PPM1H: variants seen among roughly 807,000 people sequenced by gnomAD.
PPM1H encodes the protein protein phosphatase 1H.
In PPM1H, 27 loss-of-function variants were observed where a neutral mutation model predicts 54.9. The observed-to-expected ratio is 0.49, with a 90% CI of 0.36 to 0.68. The LOEUF (loss-of-function observed/expected upper bound fraction) is 0.68, where lower values mean the gene tolerates loss of function less well. Ranked by LOEUF, PPM1H falls within the 30% of genes least tolerant of loss-of-function variation. The pLI, the probability that PPM1H is intolerant of heterozygous loss-of-function variation, is 0.00. For missense variants in PPM1H, 596 were observed against 667.8 expected (o/e 0.89, Z 1.19); for synonymous variants, 305 against 270.8 (o/e 1.13, Z -1.24).
intron 1 of PPM1H, among the ~76,000 whole-genome samples, chr12:62,835,909 T>C (rs1333207733): frequency 2.6e-5 from 4 of 152,238 alleles, no homozygotes; most frequent in Non-Finnish European, 4.4e-5. Context: ...GTTAACTATA[T>C]GTGAACAAAA....
chr12:62,858,445 C>CT (rs1394777289), intron 1 of PPM1H, among the ~76,000 whole-genome samples: 1 of 132,430 alleles, frequency 7.6e-6, no homozygotes, highest in African/African-American at 3.1e-5. Context: ...AGAGGAAATG[C>CT]TTTTTTTGTT....
Position 62,717,668 on chromosome 12 carries a change from C to CA in PPM1H, c.1073+2502dup, listed in dbSNP as rs561571069. Among the ~76,000 whole-genome samples the CA allele has an allele frequency of 4.4e-4, 67 of 151,394 alleles. No homozygotes were observed. The East Asian group carries it at 0.011, about 26-fold the overall frequency. On this transcript the variant is annotated intron_variant, in intron 6 of 9. Transcript: ENST00000228705. ...ATGTACAAGCCACTAAAAACAAAAA[C>CA]AAAAAACAAAAACAAACAAAACACA...
chr12:62,705,034 A>G (rs756171779), intron 6 of PPM1H, among the ~76,000 whole-genome samples: 1 of 152,212 alleles, frequency 6.6e-6, no homozygotes, highest in Non-Finnish European at 1.5e-5. Context: ...TTGCTGGTCA[A>G]TGTTCTTTGG....
At chr12:62,760,394 T>G (rs1466054883) in intron 4 of PPM1H, among the ~76,000 whole-genome samples, 2 of 152,066 alleles carry the variant, frequency 1.3e-5, no homozygotes, top group Non-Finnish European at 2.9e-5. Flanking sequence ...CCATCTGACC[T>G]CTCACCTCCT....
intron 6 of PPM1H, among the ~76,000 whole-genome samples, chr12:62,704,421 G>A (rs1180833069): frequency 6.6e-6 from 1 of 152,160 alleles, no homozygotes; most frequent in Non-Finnish European, 1.5e-5. Context: ...GAATTTATGT[G>A]TTGGAAGATA....
intron 8 of PPM1H, among the ~76,000 whole-genome samples, chr12:62,680,977 G>T (rs2076016317): frequency 6.6e-6 from 1 of 152,094 alleles, no homozygotes; most frequent in Admixed American, 6.5e-5. Flanking sequence ...CTGTCTTCCA[G>T]CAGGTAAATA....
At chr12:62,728,958 T>C (rs1208374910) in intron 5 of PPM1H, among the ~76,000 whole-genome samples, 1 of 152,188 alleles carries the variant, frequency 6.6e-6, no homozygotes, top group African/African-American at 2.4e-5. Context: ...TTTTTTCCTG[T>C]TGCTTTGTGG....
chr12:62,819,476 T>C (rs1304756727), intron 2 of PPM1H, among the ~76,000 whole-genome samples: 1 of 152,178 alleles, frequency 6.6e-6, no homozygotes, highest in East Asian at 1.9e-4. Context: ...GTTTCTGTAT[T>C]ATAAGTTATA....
chr12:62,767,924 A>C (rs1299396121), intron 4 of PPM1H, among the ~76,000 whole-genome samples: 1 of 152,100 alleles, frequency 6.6e-6, no homozygotes, highest in East Asian at 1.9e-4. Flanking sequence ...GTCTGTCTAC[A>C]CATGCCCTTC....
chr12:62,879,689 C>T (rs1008933519), intron 1 of PPM1H, among the ~76,000 whole-genome samples: 2 of 151,650 alleles, frequency 1.3e-5, no homozygotes, highest in Non-Finnish European at 2.9e-5. Context: ...TGCAGCAAAC[C>T]GACATGGCAC....
chr12:62,666,302 T>C (rs1183199247), intron 9 of PPM1H, among the ~76,000 whole-genome samples: 1 of 152,198 alleles, frequency 6.6e-6, no homozygotes, highest in African/African-American at 2.4e-5. Flanking sequence ...GGTCCAATTC[T>C]GATGCCTCTG....
intron 4 of PPM1H, among the ~76,000 whole-genome samples, chr12:62,787,617 T>TG (rs576926396): frequency 6.4e-4 from 98 of 152,298 alleles, no homozygotes; most frequent in African/African-American, 1.9e-3. Context: ...CCCAGGAATT[T>TG]GGGTCTAGCT....
In PPM1H at chr12:62,711,798, G is replaced by T. The variant is rs142327092; in HGVS notation, c.1073+8373C>A. On this transcript the variant is annotated intron_variant, in intron 6 of 9. Transcript: ENST00000228705. ...GCATTCATGCGTGCATGCGTGTGTA[G>T]GGTGAGTGATGATCAATGGGGAGCG... 9.6e-3 allele frequency among the ~76,000 whole-genome samples: 1,460 copies of T among 152,308 alleles called. 3 individuals carry two copies. The highest frequency in any genetic ancestry group is 0.024 in the Middle Eastern group (7 of 294).
intron 2 of PPM1H, among the ~76,000 whole-genome samples, chr12:62,820,993 G>A (rs7397471): frequency 0.058 from 8,867 of 152,166 alleles, 293 homozygotes; most frequent in Middle Eastern, 0.092. Context: ...GAGGATGCTC[G>A]AACCCATTGC....
chr12:62,665,173 G>C (rs997099698), intron 9 of PPM1H, among the ~76,000 whole-genome samples: 2 of 151,912 alleles, frequency 1.3e-5, no homozygotes, highest in African/African-American at 4.8e-5. Flanking sequence ...TCAGCCTCTT[G>C]AGTAGCTGGA....
chr12:62,831,790 TACACAC>T (rs80273207), intron 2 of PPM1H, among the ~76,000 whole-genome samples: 1 of 147,978 alleles, frequency 6.8e-6, no homozygotes, highest in African/African-American at 2.5e-5. Flanking sequence ...TATATACGTA[TACACAC>T]ACACACACAT....
intron 9 of PPM1H, among the ~76,000 whole-genome samples, chr12:62,656,403 T>A (rs758647587): frequency 7.3e-4 from 111 of 152,230 alleles, no homozygotes; most frequent in Non-Finnish European, 9.6e-4. Flanking sequence ...GTGTTAGTTA[T>A]GTTCCTTATT....
chr12:62,663,992 C>CAAAA (rs66772973), intron 9 of PPM1H, among the ~76,000 whole-genome samples: 1 of 139,886 alleles, frequency 7.1e-6, no homozygotes, highest in East Asian at 2.1e-4. Context: ...AACTCCATCT[C>CAAAA]AAAAAAAAAA....
intron 6 of PPM1H, among the ~76,000 whole-genome samples, chr12:62,708,364 G>T (rs2076187138): frequency 6.6e-6 from 1 of 152,242 alleles, no homozygotes; most frequent in East Asian, 1.9e-4. Context: ...CACCACAGCT[G>T]ATTTAGATGA....
Sources: gnomAD v4.1 joint callset for allele counts (sites outside exome capture counted in the v4.1 genomes callset) on GRCh38, gnomAD v4.1.1 for gene constraint, MANE v1.5 for transcripts, NCBI Gene and HGNC (gene_info 2026-07-23, HGNC 2026-07-21) for gene names.